The following MBOAT1 variants were observed in gnomAD, a reference collection of about 807,000 sequenced individuals.
MBOAT1 encodes the protein membrane-bound glycerophospholipid O-acyltransferase 1.
In MBOAT1, 67 loss-of-function variants were observed where a neutral mutation model predicts 64.4. That is an observed-to-expected ratio of 1.04 (90% CI 0.85 to 1.27). The LOEUF is 1.27. MBOAT1 is among the 50% of genes most tolerant of loss of function. The pLI, the probability that MBOAT1 is intolerant of heterozygous loss-of-function variation, is 0.00. For missense variants in MBOAT1, 563 were observed against 604.6 expected (o/e 0.93, Z 0.72); for synonymous variants, 229 against 218.9 (o/e 1.05, Z -0.41).
At chr6:20,147,088 CT>C (rs1186385377) in intron 3 of MBOAT1, among the ~76,000 whole-genome samples, 1 of 152,222 alleles carries the variant, frequency 6.6e-6, no homozygotes, top group Non-Finnish European at 1.5e-5. Context: ...CACAAGTTCT[CT>C]CTTGCCTGCT....
chr6:20,109,901 ACTTTTTTTTTT>A, intron 11 of MBOAT1, 152 bp from the exon 12 acceptor site: 1 of 297,932 alleles, frequency 3.4e-6, no homozygotes, highest in Non-Finnish European at 5.7e-6. Context: ...TACCATCAGG[ACTTTTTTTTTT>A]TTTTTTTTTT....
chr6:20,181,974 C>A (rs2113742803), intron 1 of MBOAT1, among the ~76,000 whole-genome samples: 1 of 152,320 alleles, frequency 6.6e-6, no homozygotes, highest in East Asian at 1.9e-4. Context: ...TGGTTTAAAT[C>A]CCTGCTCATC....
At chr6:20,121,441 G>A (rs1760490356) in intron 8 of MBOAT1, among the ~76,000 whole-genome samples, 1 of 152,140 alleles carries the variant, frequency 6.6e-6, no homozygotes, top group African/African-American at 2.4e-5. Flanking sequence ...ACCCAAAAAA[G>A]ACAAAGAAAA....
Position 20,109,602 on chromosome 6 carries a change from A to G in MBOAT1, c.1357T>C (p.Tyr453His), listed in dbSNP as rs758516817. ...MLAVEPTISL[Y>H]KSMYFYLHII... is the part of the protein sequence containing the mutation. Reference sequence around the variant, plus strand: ...CTGAGAACAACGGAAACTTACTTGTATAAGCTGATGGTCGGTTCAACTGCC... The same window carrying G: ...CTGAGAACAACGGAAACTTACTTGTGTAAGCTGATGGTCGGTTCAACTGCC... The change falls in exon 12 of 13, where the codon TAC (tyrosine) becomes CAC (histidine). Residue 453 changes from tyrosine to histidine, a missense_variant. By Grantham distance (83) the Tyr-to-His change is moderately conservative (BLOSUM62 2). Coordinates refer to ENST00000324607, the MANE Select transcript of MBOAT1 (RefSeq NM_001080480.3). 1 of 1,611,814 alleles carries G rather than the reference A, an allele frequency of 6.2e-7. No homozygotes were observed. The highest frequency in any genetic ancestry group is 8.5e-7 in the Non-Finnish European group (1 of 1,178,494).
intron 1 of MBOAT1, among the ~76,000 whole-genome samples, chr6:20,207,617 T>C (rs1418114078): frequency 6.6e-6 from 1 of 152,222 alleles, no homozygotes. Context: ...GAAAATTCCA[T>C]GAAATTTAGA....
chr6:20,151,490 A>G (rs1761492100), intron 2 of MBOAT1, among the ~76,000 whole-genome samples: 1 of 152,260 alleles, frequency 6.6e-6, no homozygotes, highest in South Asian at 2.1e-4. Context: ...TAATAATGTC[A>G]GGAATCCATA....
intron 1 of MBOAT1, among the ~76,000 whole-genome samples, chr6:20,154,084 A>C (rs1215472608): frequency 3.9e-5 from 6 of 152,256 alleles, no homozygotes; most frequent in African/African-American, 9.6e-5. Context: ...ACTGCTGCTG[A>C]TAACAAAACT....
At chr6:20,155,189 G>A (rs1267719910) in intron 1 of MBOAT1, among the ~76,000 whole-genome samples, 2 of 152,164 alleles carry the variant, frequency 1.3e-5, no homozygotes, top group African/African-American at 4.8e-5. Context: ...ACGTCCCCTT[G>A]GAAACTTGTT....
chr6:20,195,711 A>G (rs1331934857), intron 1 of MBOAT1, among the ~76,000 whole-genome samples: 1 of 152,232 alleles, frequency 6.6e-6, no homozygotes, highest in East Asian at 1.9e-4. Context: ...ATATTAAACT[A>G]AACATGAGTT....
At chr6:20,172,782 C>T (rs189406025) in intron 1 of MBOAT1, among the ~76,000 whole-genome samples, 246 of 152,242 alleles carry the variant, frequency 1.6e-3, no homozygotes, top group African/African-American at 3.6e-3. Context: ...CATGATAGGA[C>T]GCTCAAAAAT....
chr6:20,153,315 G>A (rs1287515349), intron 1 of MBOAT1, among the ~76,000 whole-genome samples: 1 of 152,150 alleles, frequency 6.6e-6, no homozygotes, highest in Non-Finnish European at 1.5e-5. Flanking sequence ...ACTGGCCAAG[G>A]TTGCTTTCCC....
chr6:20,157,041 G>A lies in MBOAT1; in HGVS notation c.100-4272C>T, dbSNP rs139182527. ...CTCATGCCTACAATCCCAGCACTCC[G>A]GGAGGCTAAGGTGAGAGGACTGCTT... On this transcript the variant is annotated intron_variant, in intron 1 of 12. Coordinates refer to ENST00000324607, the MANE Select transcript of MBOAT1 (RefSeq NM_001080480.3). Among the ~76,000 whole-genome samples the A allele has an allele frequency of 2.2e-3, 342 of 152,208 alleles. 5 individuals are homozygous for A. The highest frequency in any genetic ancestry group is 7.7e-3 in the African/African-American group (319 of 41,544).
intron 8 of MBOAT1, among the ~76,000 whole-genome samples, chr6:20,119,274 G>T (rs1046352215): frequency 1.3e-5 from 2 of 152,140 alleles, no homozygotes; most frequent in African/African-American, 4.8e-5. Flanking sequence ...TTATGCCACT[G>T]AACTATAAGA....
At chr6:20,202,213 T>C (rs1561787303) in intron 1 of MBOAT1, among the ~76,000 whole-genome samples, 1 of 152,176 alleles carries the variant, frequency 6.6e-6, no homozygotes. Context: ...AAAAAATAAA[T>C]AAACAAATGA....
chr6:20,152,139 G>A (rs1223430509), intron 2 of MBOAT1, among the ~76,000 whole-genome samples: 8 of 151,788 alleles, frequency 5.3e-5, no homozygotes, highest in Non-Finnish European at 5.9e-5. Context: ...TGGGCAACAC[G>A]GTGAAACCCC....
intron 1 of MBOAT1, among the ~76,000 whole-genome samples, chr6:20,179,350 C>G (rs1243643303): frequency 6.6e-6 from 1 of 152,162 alleles, no homozygotes; most frequent in Non-Finnish European, 1.5e-5. Context: ...TTCCCCCCAA[C>G]CATGTGTCCA....
At chr6:20,190,064 G>A (rs1762762914) in intron 1 of MBOAT1, among the ~76,000 whole-genome samples, 1 of 151,634 alleles carries the variant, frequency 6.6e-6, no homozygotes, top group Non-Finnish European at 1.5e-5. Flanking sequence ...ATGCGATCTC[G>A]GCTCACTGCA....
Position 20,126,553 on chromosome 6 carries a change from T to C in MBOAT1, c.678A>G (p.Arg226=). 6.2e-7 allele frequency: 1 copy of C among 1,613,010 alleles called. No homozygotes were observed. Among genetic ancestry groups the C allele is most frequent in the East Asian group, 2.2e-5 (1 of 44,862 alleles). ...GTTCTGGCAAGCTGTGGAAACCTTT[T>C]CGCTTCCAGTTCACCTCCAGCAACT... ...HMKLLEVNWK[R]KGFHSLPEPS... Residue 226 remains arginine (R), a synonymous_variant, in exon 7 of 13, where the codon CGA becomes CGG. Coordinates refer to ENST00000324607, the MANE Select transcript of MBOAT1 (RefSeq NM_001080480.3).
intron 9 of MBOAT1, 71 bp downstream of exon 9, chr6:20,118,366 G>C (rs908105145): frequency 7.3e-6 from 9 of 1,229,914 alleles, no homozygotes; most frequent in Non-Finnish European, 1.1e-5. Context: ...AAGCATTCTG[G>C]GGATACAACA....
Sources: allele counts gnomAD v4.1 joint callset (sites outside exome capture counted in the v4.1 genomes callset), GRCh38; gene constraint gnomAD v4.1.1; transcripts MANE v1.5; gene names NCBI Gene and HGNC (gene_info 2026-07-23, HGNC 2026-07-21).